ITFG1: variants seen among roughly 807,000 people sequenced by gnomAD.
ITFG1 encodes the protein integrin alpha FG-GAP repeat containing 1.
In ITFG1, 34 loss-of-function variants were observed where a neutral mutation model predicts 81.8. The observed-to-expected ratio is 0.42, with a 90% CI of 0.32 to 0.55. ITFG1 has a LOEUF of 0.55. Ranked by LOEUF, ITFG1 falls within the 20% of genes least tolerant of loss-of-function variation. ITFG1 has a pLI of 0.17. For synonymous variants in ITFG1, 285 were observed against 270.6 expected, an observed-to-expected ratio of 1.05 and a Z score of -0.52; for missense variants, 672 against 755.4, an observed-to-expected ratio of 0.89 and a Z score of 1.29.
intron 6 of ITFG1, among the ~76,000 whole-genome samples, chr16:47,393,506 G>T (rs1968557136): frequency 6.6e-6 from 1 of 152,250 alleles, no homozygotes; most frequent in East Asian, 1.9e-4. Context: ...CGAGGTGGGA[G>T]AATCACTTGA....
At chr16:47,384,380 C>T (rs772090519) in intron 6 of ITFG1, among the ~76,000 whole-genome samples, 17 of 152,184 alleles carry the variant, frequency 1.1e-4, no homozygotes, top group Middle Eastern at 3.2e-3. Context: ...TAGGCACTTA[C>T]GCTCCATCTA....
chr16:47,307,011 G>A (rs1046575769), intron 10 of ITFG1, among the ~76,000 whole-genome samples: 1 of 139,328 alleles, frequency 7.2e-6, no homozygotes. Context: ...GGAGAACGGC[G>A]TGAACCCGGG....
chr16:47,322,149 G>T (rs924163730), intron 8 of ITFG1, among the ~76,000 whole-genome samples: 7 of 152,074 alleles, frequency 4.6e-5, no homozygotes, highest in Non-Finnish European at 8.8e-5. Context: ...TAGTGCCTTA[G>T]TGGAACTTTA....
chr16:47,315,378 C>T (rs1967337557), intron 8 of ITFG1, among the ~76,000 whole-genome samples: 1 of 151,516 alleles, frequency 6.6e-6, no homozygotes, highest in Non-Finnish European at 1.5e-5. Flanking sequence ...ATGTGATTTA[C>T]AAACTGGCTC....
intron 10 of ITFG1, among the ~76,000 whole-genome samples, chr16:47,289,637 T>C (rs897337598): frequency 3.3e-5 from 5 of 152,154 alleles, no homozygotes; most frequent in Non-Finnish European, 7.4e-5. Context: ...TGTTGGCATA[T>C]AGTTGTTTGT....
At chr16:47,200,200 G>A (rs1965408489) in intron 14 of ITFG1, among the ~76,000 whole-genome samples, 1 of 152,158 alleles carries the variant, frequency 6.6e-6, no homozygotes, top group Non-Finnish European at 1.5e-5. Flanking sequence ...AATCTATGAT[G>A]TTTGCAAATG....
chr16:47,260,820 C>A, intron 10 of ITFG1, 125 bp from the exon 11 acceptor site: 1 of 1,057,618 alleles, frequency 9.5e-7, no homozygotes, highest in African/African-American at 1.6e-5. Flanking sequence ...GAAAAAATCT[C>A]CACATTTTTT....
rs1238437216 is a variant in ITFG1 at position 47,155,354 on chromosome 16, CCAAGT to C, written c.*360_*364del. 1 of 161,130 alleles carries C rather than the reference CCAAGT, an allele frequency of 6.2e-6. No homozygotes were observed. Among genetic ancestry groups the C allele is most frequent in the Non-Finnish European group, 1.3e-5 (1 of 74,410 alleles). The allele number at this position is 161,130 out of a possible 1,614,324, so 10.0% of individuals were successfully genotyped here. A position where few individuals can be genotyped will look rare whatever the true frequency, so the allele number is the denominator to read the frequency against. ...TGCATCATTAGAATAAGAAGCAAGA[CCAAGT>C]CAAGTGGACACAAAAATTCCTGCTC... On this transcript the variant is annotated 3_prime_UTR_variant, in exon 18 of 18. Transcript: ENST00000320640.
intron 10 of ITFG1, among the ~76,000 whole-genome samples, chr16:47,268,668 G>A (rs867149013): frequency 1.3e-5 from 2 of 152,180 alleles, no homozygotes; most frequent in East Asian, 1.9e-4. Context: ...TCATTGAAAC[G>A]TGTGCATTTT....
chr16:47,171,146 C>T (rs1449600768), intron 14 of ITFG1, among the ~76,000 whole-genome samples: 1 of 149,988 alleles, frequency 6.7e-6, no homozygotes, highest in African/African-American at 2.5e-5. Flanking sequence ...TCCTGAGTAG[C>T]TAGGACTACG....
intron 6 of ITFG1, among the ~76,000 whole-genome samples, chr16:47,416,776 C>A (rs1968880776): frequency 6.6e-6 from 1 of 152,154 alleles, no homozygotes; most frequent in African/African-American, 2.4e-5. Context: ...GAACCATGAG[C>A]CACAATAAAC....
intron 13 of ITFG1, among the ~76,000 whole-genome samples, chr16:47,226,516 TC>T (rs1388839025): frequency 4.6e-5 from 5 of 109,650 alleles, no homozygotes; most frequent in African/African-American, 1.1e-4. Flanking sequence ...ATGCTATCCC[TC>T]CCCCCTCCCC....
At chr16:47,177,275 A>G (rs1273030941) in intron 14 of ITFG1, among the ~76,000 whole-genome samples, 5 of 152,138 alleles carry the variant, frequency 3.3e-5, no homozygotes, top group African/African-American at 1.2e-4. Context: ...AGGCTGATAT[A>G]TCTATTAAAA....
chr16:47,168,378 A>C (rs1021483038), intron 14 of ITFG1, among the ~76,000 whole-genome samples: 4 of 152,100 alleles, frequency 2.6e-5, no homozygotes, highest in Non-Finnish European at 4.4e-5. Context: ...GAAAAGAAAA[A>C]AGACTTTTCT....
At chr16:47,406,667 T>C (rs1596962596) in intron 6 of ITFG1, among the ~76,000 whole-genome samples, 1 of 152,020 alleles carries the variant, frequency 6.6e-6, no homozygotes, top group African/African-American at 2.4e-5. Flanking sequence ...TGCATTCTAG[T>C]ATGGGAAGAA....
At chr16:47,193,139 A>G (rs553878762) in intron 14 of ITFG1, among the ~76,000 whole-genome samples, 1 of 151,836 alleles carries the variant, frequency 6.6e-6, no homozygotes, top group Non-Finnish European at 1.5e-5. Flanking sequence ...ACCTCTTTAC[A>G]TGTTGGATGG....
intron 6 of ITFG1, among the ~76,000 whole-genome samples, chr16:47,404,831 A>T (rs2151600511): frequency 6.6e-6 from 1 of 152,254 alleles, no homozygotes; most frequent in South Asian, 2.1e-4. Flanking sequence ...ACTTTCTGCA[A>T]ATGTCACAAA....
At chr16:47,433,420 C>T (rs1030667792) in intron 5 of ITFG1, among the ~76,000 whole-genome samples, 4 of 152,162 alleles carry the variant, frequency 2.6e-5, no homozygotes, top group African/African-American at 9.7e-5. Context: ...ACAGAGCTAG[C>T]GTCTAAAGAC....
At chr16:47,207,682 T>G (rs1388121019) in intron 14 of ITFG1, among the ~76,000 whole-genome samples, 1 of 152,094 alleles carries the variant, frequency 6.6e-6, no homozygotes, top group Non-Finnish European at 1.5e-5. Flanking sequence ...AGAGTAGAAG[T>G]AGATGCCGTC....
Sources: allele counts gnomAD v4.1 joint callset (sites outside exome capture counted in the v4.1 genomes callset), GRCh38; gene constraint gnomAD v4.1.1; transcripts MANE v1.5; gene names NCBI Gene and HGNC (gene_info 2026-07-23, HGNC 2026-07-21).